PLCB1: variants seen among roughly 807,000 people sequenced by gnomAD.
The protein encoded by PLCB1 is 1-phosphatidylinositol 4,5-bisphosphate phosphodiesterase beta-1.
Under a neutral mutation model 161.8 loss-of-function variants are expected in PLCB1, and 46 were observed. The observed-to-expected ratio is 0.28, with a 90% CI of 0.22 to 0.36. The LOEUF is 0.36. Ranked by LOEUF, PLCB1 falls within the 10% of genes least tolerant of loss-of-function variation. The pLI is 1.00. For synonymous variants in PLCB1, 517 were observed against 503.7 expected (o/e 1.03, Z -0.35); for missense variants, 1,016 against 1,472.5 (o/e 0.69, Z 5.07).
intron 2 of PLCB1, among the ~76,000 whole-genome samples, chr20:8,186,367 A>T (rs1273972149): frequency 6.6e-6 from 1 of 152,172 alleles, no homozygotes; most frequent in Non-Finnish European, 1.5e-5. Context: ...TTTTAGTTGC[A>T]TATACCTTGA....
At chr20:8,365,568 A>G (rs1019002105) in intron 2 of PLCB1, among the ~76,000 whole-genome samples, 2 of 152,228 alleles carry the variant, frequency 1.3e-5, no homozygotes, top group African/African-American at 4.8e-5. Flanking sequence ...GAATAAAGTT[A>G]AGGAACAAAG....
intron 3 of PLCB1, among the ~76,000 whole-genome samples, chr20:8,380,816 G>T (rs1011504170): frequency 1.3e-5 from 2 of 152,322 alleles, no homozygotes; most frequent in Middle Eastern, 3.4e-3. Context: ...CTTGGCTAAA[G>T]TTGCTTATCA....
intron 2 of PLCB1, among the ~76,000 whole-genome samples, chr20:8,288,210 T>G (rs1357190953): frequency 6.6e-6 from 1 of 151,926 alleles, no homozygotes; most frequent in African/African-American, 2.4e-5. Flanking sequence ...AAAATAGAGC[T>G]TCTTGTTAGT....
At chr20:8,875,042 G>A (rs148416705) in intron 31 of PLCB1, among the ~76,000 whole-genome samples, 36 of 151,644 alleles carry the variant, frequency 2.4e-4, no homozygotes, top group Non-Finnish European at 4.3e-4. Context: ...CCTTGAAAAG[G>A]TATTGTGCTA....
intron 2 of PLCB1, among the ~76,000 whole-genome samples, chr20:8,307,621 TGTTA>T (rs576388243): frequency 1.3e-5 from 2 of 152,218 alleles, no homozygotes; most frequent in African/African-American, 4.8e-5. Context: ...TTAATTATGT[TGTTA>T]GTTAAGAACA....
chr20:8,184,191 G>A (rs537163334), intron 2 of PLCB1, among the ~76,000 whole-genome samples: 1 of 152,218 alleles, frequency 6.6e-6, no homozygotes, highest in African/African-American at 2.4e-5. Context: ...ATAAATAGGA[G>A]TGCTTTTAGA....
At chr20:8,553,728 C>G (rs932676413) in intron 3 of PLCB1, among the ~76,000 whole-genome samples, 1 of 151,932 alleles carries the variant, frequency 6.6e-6, no homozygotes, top group Non-Finnish European at 1.5e-5. Context: ...TAGCTTGTCA[C>G]GCTGGCACAT....
intron 3 of PLCB1, among the ~76,000 whole-genome samples, chr20:8,591,832 G>A (rs1600175387): frequency 6.6e-6 from 1 of 152,128 alleles, no homozygotes; most frequent in African/African-American, 2.4e-5. Context: ...TTCATTACAT[G>A]TAACTTGCTG....
intron 2 of PLCB1, among the ~76,000 whole-genome samples, chr20:8,224,891 T>G (rs775392345): frequency 3.9e-5 from 6 of 152,212 alleles, no homozygotes; most frequent in Non-Finnish European, 8.8e-5. Context: ...AATCACAGTG[T>G]GTACTCATTT....
chr20:8,460,582 A>G (rs1297324181), intron 3 of PLCB1, among the ~76,000 whole-genome samples: 1 of 152,250 alleles, frequency 6.6e-6, no homozygotes, highest in Non-Finnish European at 1.5e-5. Context: ...GCATATGGCC[A>G]ACCATATAGG....
At chr20:8,157,510 A>G (rs2051574423) in intron 2 of PLCB1, among the ~76,000 whole-genome samples, 1 of 152,154 alleles carries the variant, frequency 6.6e-6, no homozygotes, top group Non-Finnish European at 1.5e-5. Flanking sequence ...TCCTCACCAT[A>G]TCAACTTCCA....
chr20:8,533,047 T>A (rs1188676883), intron 3 of PLCB1, among the ~76,000 whole-genome samples: 2 of 139,078 alleles, frequency 1.4e-5, no homozygotes, highest in East Asian at 2.4e-4. Context: ...CAGAGTGTGA[T>A]GTTCCCCTTC....
At chr20:8,865,290 G>A (rs6086666) in intron 31 of PLCB1, among the ~76,000 whole-genome samples, 45,459 of 151,720 alleles carry the variant, frequency 0.3, 7,687 homozygotes, top group East Asian at 0.65. Flanking sequence ...TTTATAGTTA[G>A]GATTATTCTC....
At chr20:8,717,039 C>A (rs1410298147) in intron 13 of PLCB1, among the ~76,000 whole-genome samples, 1 of 152,158 alleles carries the variant, frequency 6.6e-6, no homozygotes, top group East Asian at 1.9e-4. Context: ...TATCTAATGA[C>A]CCCCTCATGG....
intron 2 of PLCB1, among the ~76,000 whole-genome samples, chr20:8,170,172 T>G (rs1228870739): frequency 6.6e-6 from 1 of 152,188 alleles, no homozygotes; most frequent in Non-Finnish European, 1.5e-5. Context: ...AGATCTCTAG[T>G]TGGGGAAACC....
rs533204971 is a variant in PLCB1, at chr20:8,212,500, G to A, written c.177+62129G>A. 1.6e-3 allele frequency among the ~76,000 whole-genome samples: 235 copies of A among 144,572 alleles called. 1 individual carries two copies. The highest frequency in any genetic ancestry group is 5.9e-3 in the African/African-American group (227 of 38,760). 94.8% of individuals were successfully genotyped at this position (144,572 alleles called of 152,430 possible). A position where few individuals can be genotyped will look rare whatever the true frequency, so the allele number is the denominator to read the frequency against. ...TCTGTGACCTTTTTCAAGTAAACAT[G>A]TCTCTGAGTCACTTTGTTACCATTT... is the stretch of plus-strand genomic sequence containing the variant. On this transcript the variant is annotated intron_variant, in intron 2 of 31. Transcript: ENST00000338037.
At chr20:8,592,910 T>C (rs1568521308) in intron 3 of PLCB1, among the ~76,000 whole-genome samples, 2 of 152,160 alleles carry the variant, frequency 1.3e-5, no homozygotes, top group Non-Finnish European at 2.9e-5. Context: ...TGGCTGCACA[T>C]TAGGGCCCCC....
chr20:8,262,387 G>A (rs1001136826), intron 2 of PLCB1, among the ~76,000 whole-genome samples: 9 of 152,002 alleles, frequency 5.9e-5, no homozygotes, highest in East Asian at 1.9e-4. Context: ...CATTGCACCC[G>A]GCCTTTCTTC....
At chr20:8,403,267 G>A (rs1369634734) in intron 3 of PLCB1, among the ~76,000 whole-genome samples, 1 of 152,046 alleles carries the variant, frequency 6.6e-6, no homozygotes, top group Non-Finnish European at 1.5e-5. Context: ...GTAATCCTAA[G>A]GCTTTGAGGG....
Sources: allele counts gnomAD v4.1 joint callset (sites outside exome capture counted in the v4.1 genomes callset), GRCh38; gene constraint gnomAD v4.1.1; transcripts MANE v1.5; gene names NCBI Gene and HGNC (gene_info 2026-07-23, HGNC 2026-07-21).